Variants in CFAP91 observed in about 807,000 individuals in gnomAD.
The protein encoded by CFAP91 is cilia- and flagella-associated protein 91.
A neutral mutation model predicts 95.9 loss-of-function variants in CFAP91; 85 were observed. The ratio of observed to expected loss-of-function variants is 0.89; its 90% CI spans 0.74 to 1.06. The LOEUF is 1.06. Ranked by LOEUF, CFAP91 falls within the 50% of genes least tolerant of loss-of-function variation. CFAP91 has a pLI of 0.00. For missense variants in CFAP91, 962 were observed against 943.4 expected (o/e 1.02, Z -0.26); for synonymous variants, 335 against 327.5 (o/e 1.02, Z -0.25).
chr3:119,722,487 A>G (rs1300760547), intron 6 of CFAP91, among the ~76,000 whole-genome samples: 1 of 152,028 alleles, frequency 6.6e-6, no homozygotes, highest in African/African-American at 2.4e-5. Flanking sequence ...GAAAAAAATT[A>G]CATTCATTTA....
chr3:119,755,653 G>C (rs187607111), intron 17 of CFAP91, among the ~76,000 whole-genome samples: 1 of 152,296 alleles, frequency 6.6e-6, no homozygotes, highest in East Asian at 1.9e-4. Context: ...TGTGAGAAAA[G>C]AAATTTCTGC....
chr3:119,747,086 T>C (rs1319009159), intron 14 of CFAP91, 29 bp from the exon 15 acceptor site: 1 of 1,504,390 alleles, frequency 6.6e-7, no homozygotes, highest in Admixed American at 2.1e-5. Flanking sequence ...GCATACCTGT[T>C]TTAGTGAGGG....
Position 119,755,374 on chromosome 3 carries a change from A to G in CFAP91, c.*1+4276A>G, listed in dbSNP as rs533579603. Among the ~76,000 whole-genome samples the G allele has an allele frequency of 5.3e-5, 8 of 152,256 alleles. No homozygotes were observed. The East Asian group carries it at 9.6e-4, about 18-fold the overall frequency. ...GGTATTTGGAGACAGGACCTTAGGG[A>G]GAGAATTAGGTTTAGAGAAGGTAAT... On this transcript the variant is annotated intron_variant, in intron 17 of 17. Coordinates refer to ENST00000273390, the MANE Select transcript of CFAP91 (RefSeq NM_033364.4).
intron 5 of CFAP91, among the ~76,000 whole-genome samples, chr3:119,712,578 CAT>C (rs1168856605): frequency 2.6e-5 from 4 of 152,058 alleles, no homozygotes; most frequent in Admixed American, 1.3e-4. Flanking sequence ...CTACTGAAAA[CAT>C]AAGAAGCCAT....
chr3:119,752,049 T>C (rs1355165116), intron 17 of CFAP91, among the ~76,000 whole-genome samples: 2 of 152,138 alleles, frequency 1.3e-5, no homozygotes, highest in Non-Finnish European at 2.9e-5. Flanking sequence ...AGAATAGAGC[T>C]AGGGAGTCAA....
At chr3:119,728,819 G>A (rs542059568) in intron 7 of CFAP91, among the ~76,000 whole-genome samples, 1 of 152,128 alleles carries the variant, frequency 6.6e-6, no homozygotes, top group East Asian at 1.9e-4. Flanking sequence ...TTCCCCACCT[G>A]TTCCCTCTTT....
At position 119,765,748 on chromosome 3, in the gene CFAP91, C is replaced by T. The variant is rs1360400243; in HGVS notation, c.*698C>T. 6.6e-6 allele frequency: 1 copy of T among 152,102 alleles called. No homozygotes were observed. The highest frequency in any genetic ancestry group is 1.5e-5 in the Non-Finnish European group (1 of 68,020). The allele number at this position is 152,102 out of a possible 1,614,324, so 9.4% of individuals were successfully genotyped here. On this transcript the variant is annotated 3_prime_UTR_variant, in exon 18 of 18. Coordinates refer to ENST00000273390, the MANE Select transcript of CFAP91 (RefSeq NM_033364.4). ...GCATCAGGATTCCAGGAGGATTCTT[C>T]CTGATTCAAAGACTGTCAAATAGGA... is the stretch of plus-strand genomic sequence containing the variant.
intron 11 of CFAP91, among the ~76,000 whole-genome samples, chr3:119,738,330 G>GTTTTTTTTTTT (rs1559761130): frequency 3.0e-4 from 7 of 23,728 alleles, no homozygotes; most frequent in Non-Finnish European, 8.5e-4. Context: ...TTGACATATT[G>GTTTTTTTTTTT]TCTTTTTTTT....
rs537265794 is a variant in CFAP91 at position 119,716,632 on chromosome 3, G to C, written c.682+889G>C. ...GACGGAGTCTTACTCTGTCGCCCAG[G>C]CTGGAGTGCAGTGGTGCGATCTTGG... On this transcript the variant is annotated intron_variant, in intron 6 of 17. Coordinates refer to ENST00000273390, the MANE Select transcript of CFAP91 (RefSeq NM_033364.4). 2.0e-5 allele frequency among the ~76,000 whole-genome samples: 3 copies of C among 152,284 alleles called. No individual in the cohort carries two copies. In the South Asian group the frequency reaches 6.2e-4, roughly 32 times the overall value.
intron 17 of CFAP91, among the ~76,000 whole-genome samples, chr3:119,760,020 G>A (rs2054507404): frequency 6.6e-6 from 1 of 151,894 alleles, no homozygotes; most frequent in Non-Finnish European, 1.5e-5. Flanking sequence ...ATAGTAGTAA[G>A]TCTTTATCAA....
rs2054643358 is a variant in CFAP91, at chr3:119,767,082, A to G, written c.*2032A>G. ...AAATAAAACACCTATAGTGACAATAAAAACACACATTTAAAGCCAAGTGGT... is the reference window on the plus strand; with the variant it reads ...AAATAAAACACCTATAGTGACAATAGAAACACACATTTAAAGCCAAGTGGT... On this transcript the variant is annotated 3_prime_UTR_variant, in exon 18 of 18. Transcript: ENST00000273390. 6.6e-6 allele frequency: 1 copy of G among 152,234 alleles called. No homozygotes were observed. Among genetic ancestry groups the G allele is most frequent in the African/African-American group, 2.4e-5 (1 of 41,470 alleles). The allele number at this position is 152,234 out of a possible 1,614,324, so 9.4% of individuals were successfully genotyped here.
intron 5 of CFAP91, among the ~76,000 whole-genome samples, chr3:119,713,953 G>C (rs2053523640): frequency 6.6e-6 from 1 of 152,068 alleles, no homozygotes; most frequent in Non-Finnish European, 1.5e-5. Context: ...TCGTATTGAT[G>C]TGATCATTTA....
intron 5 of CFAP91, among the ~76,000 whole-genome samples, chr3:119,712,495 C>T (rs996294645): frequency 8.5e-5 from 13 of 152,086 alleles, no homozygotes; most frequent in African/African-American, 3.1e-4. Flanking sequence ...TATAATAAAA[C>T]TTCATGTGAC....
At chr3:119,712,343 T>C (rs1397783099) in intron 5 of CFAP91, among the ~76,000 whole-genome samples, 2 of 152,220 alleles carry the variant, frequency 1.3e-5, no homozygotes, top group Non-Finnish European at 2.9e-5. Context: ...CCTGGAAAGA[T>C]ACGAAGCCAG....
chr3:119,723,029 A>G (rs2053716665), intron 6 of CFAP91, among the ~76,000 whole-genome samples: 1 of 152,212 alleles, frequency 6.6e-6, no homozygotes, highest in African/African-American at 2.4e-5. Flanking sequence ...CACTCTCAAT[A>G]TAACTATGCC....
chr3:119,715,556 T>C lies in CFAP91; in HGVS notation c.501-6T>C, dbSNP rs375483032. Reference sequence around the variant, plus strand: ...TTCAATTTTTAAACTGATTTTTCTCTTTTAGGGCAGAACCATACACTTTTC... The same window carrying C: ...TTCAATTTTTAAACTGATTTTTCTCCTTTAGGGCAGAACCATACACTTTTC... On this transcript the variant is annotated splice_region_variant and splice_polypyrimidine_tract_variant and intron_variant, in intron 5 of 17. Coordinates refer to ENST00000273390, the MANE Select transcript of CFAP91 (RefSeq NM_033364.4). 28 of 1,613,224 alleles carry C rather than the reference T, an allele frequency of 1.7e-5. No individual in the cohort carries two copies. The highest frequency in any genetic ancestry group is 2.3e-5 in the Non-Finnish European group (27 of 1,179,464).
rs746443426 is a variant in CFAP91, at chr3:119,747,170, A to C, written c.1958A>C (p.Asn653Thr). Reference sequence around the variant, plus strand: ...TCCTACCTAGAAGACATAATACTGAATACCGAAGCGAATACTGCAGAAGAA... The same window carrying C: ...TCCTACCTAGAAGACATAATACTGACTACCGAAGCGAATACTGCAGAAGAA... ...ISSYLEDIIL[N>T]TEANTAEEQA... Residue 653 changes from asparagine (N) to threonine (T), a missense_variant, in exon 15 of 18, where the codon AAT (asparagine) becomes ACT (threonine). Transcript: ENST00000273390. 3.7e-6 allele frequency: 6 copies of C among 1,613,886 alleles called. No individual in the cohort carries two copies. In the South Asian group the frequency reaches 6.6e-5, roughly 18 times the overall value.
At position 119,765,094 on chromosome 3, in the gene CFAP91, A is replaced by G. The variant is rs777382114; in HGVS notation, c.*44A>G. On this transcript the variant is annotated 3_prime_UTR_variant, in exon 18 of 18. Coordinates refer to ENST00000273390, the MANE Select transcript of CFAP91 (RefSeq NM_033364.4). ...AAAGAAGCTGTACGAATCATCATAA[A>G]TAATTCCAATAGTCTGCACTTCTCC... 6 of 152,224 alleles carry G rather than the reference A, an allele frequency of 3.9e-5. No homozygotes were observed. The highest frequency in any genetic ancestry group is 7.4e-5 in the Non-Finnish European group (5 of 68,026). The allele number at this position is 152,224 out of a possible 1,614,324, so 9.4% of individuals were successfully genotyped here. A position where few individuals can be genotyped will look rare whatever the true frequency, so the allele number is the denominator to read the frequency against.
At position 119,707,536 on chromosome 3, in the gene CFAP91, A is replaced by C; in HGVS notation, c.334A>C (p.Arg112=). 6.3e-7 allele frequency: 1 copy of C among 1,585,016 alleles called. No individual in the cohort carries two copies. Among genetic ancestry groups the C allele is most frequent in the Non-Finnish European group, 8.6e-7 (1 of 1,160,070 alleles). The change falls in exon 3 of 18, where the codon AGA becomes CGA. Residue 112 remains arginine (R), a synonymous_variant. Transcript: ENST00000273390. The stretch of plus-strand genomic sequence containing the variant: ...ATGGAAGGGACATAAGGAGAAACAC[A>C]GAGAAGCCCTCCGGCAGCTCACCAC... ...REWKGHKEKH[R]EALRQLTTTD...
Sources: allele counts gnomAD v4.1 joint callset (sites outside exome capture counted in the v4.1 genomes callset), GRCh38; gene constraint gnomAD v4.1.1; transcripts MANE v1.5; gene names NCBI Gene and HGNC (gene_info 2026-07-23, HGNC 2026-07-21).